The following CELF2 variants were observed in gnomAD, a reference collection of about 807,000 sequenced individuals.
CELF2 encodes the protein CUG triplet repeat RNA-binding protein 2.
Under a neutral mutation model 62.6 loss-of-function variants are expected in CELF2, and 8 were observed. The observed-to-expected ratio is 0.13, with a 90% CI of 0.07 to 0.23. The LOEUF (loss-of-function observed/expected upper bound fraction) is 0.23. Among genes scored for constraint, CELF2 ranks in the 10% least tolerant of loss-of-function variants. CELF2 has a pLI of 1.00. For synonymous variants in CELF2, 258 were observed against 250.0 expected, an observed-to-expected ratio of 1.03 and a Z score of -0.30; for missense variants, 333 against 671.0, an observed-to-expected ratio of 0.50 and a Z score of 5.56.
the CELF2 span, among the ~76,000 whole-genome samples, chr10:10,561,186 C>G: frequency 6.6e-6 from 1 of 151,940 alleles, no homozygotes; most frequent in Non-Finnish European, 1.5e-5. Context: ...TAAAAATTTC[C>G]TCTTCTATTG....
chr10:10,675,737 T>A, the CELF2 span, among the ~76,000 whole-genome samples: 3 of 152,160 alleles, frequency 2.0e-5, no homozygotes, highest in African/African-American at 4.8e-5. Context: ...CCACCTCAGG[T>A]CCTCCAATAA....
At position 11,316,239 on chromosome 10, in the gene CELF2, T is replaced by A. The variant is rs573400853; in HGVS notation, c.1096+1981T>A. On this transcript the variant is annotated intron_variant, in intron 10 of 12. Transcript: ENST00000633077. This position sits in a 1 kb window ranked among gnomAD's most constrained non-coding sequence, Gnocchi z 4.4. ...ATGGGTTAATATAAGTCTGTATAGT[T>A]CATAGAAAACGAAGAAAGAATGTTT... 1.3e-5 allele frequency among the ~76,000 whole-genome samples: 2 copies of A among 152,332 alleles called. No individual in the cohort carries two copies. Among genetic ancestry groups the A allele is most frequent in the African/African-American group, 2.4e-5 (1 of 41,574 alleles).
At chr10:10,723,811 G>T in the CELF2 span, among the ~76,000 whole-genome samples, 1 of 152,144 alleles carries the variant, frequency 6.6e-6, no homozygotes, top group East Asian at 1.9e-4. Flanking sequence ...AATGATTTGT[G>T]AGCTTTATTT....
chr10:11,014,309 C>T (rs2056925391), upstream of CELF2, among the ~76,000 whole-genome samples: 1 of 152,172 alleles, frequency 6.6e-6, no homozygotes, highest in African/African-American at 2.4e-5. Context: ...CTGATAGCTA[C>T]TGCCTTTTAA....
At chr10:10,818,417 G>C (rs1485440645) in intron 1 of CELF2, among the ~76,000 whole-genome samples, 1 of 152,096 alleles carries the variant, frequency 6.6e-6, no homozygotes, top group Non-Finnish European at 1.5e-5. Context: ...CATTAGAGAA[G>C]TGATCATAGT....
chr10:10,467,908 G>A, the CELF2 span, among the ~76,000 whole-genome samples: 1 of 152,014 alleles, frequency 6.6e-6, no homozygotes, highest in Non-Finnish European at 1.5e-5. Flanking sequence ...CACCATCAAG[G>A]TCAAGAGACT....
chr10:10,966,035 C>G (rs1327047481), intron 2 of CELF2, among the ~76,000 whole-genome samples: 1 of 152,206 alleles, frequency 6.6e-6, no homozygotes, highest in Non-Finnish European at 1.5e-5. Context: ...ACTGTGCTTC[C>G]AAAGGGAAAA....
intron 1 of CELF2, among the ~76,000 whole-genome samples, chr10:10,844,981 G>A (rs1335997545): frequency 1.3e-5 from 2 of 152,084 alleles, no homozygotes; most frequent in Non-Finnish European, 2.9e-5. Flanking sequence ...TTCCATTTTT[G>A]TAGAAAAGTG....
the CELF2 span, among the ~76,000 whole-genome samples, chr10:10,691,159 C>T: frequency 5.6e-3 from 857 of 151,814 alleles, 9 homozygotes; most frequent in Non-Finnish European, 8.2e-3. Context: ...CTCCCCTCTC[C>T]CCCCACCCCA....
intron 1 of CELF2, among the ~76,000 whole-genome samples, chr10:10,818,026 A>G (rs1200735790): frequency 1.3e-5 from 2 of 152,078 alleles, no homozygotes; most frequent in Non-Finnish European, 2.9e-5. Context: ...TCACCCACCC[A>G]CTCATTAAAC....
upstream of CELF2, among the ~76,000 whole-genome samples, chr10:11,002,858 GAAAAT>G (rs1182112982): frequency 1.3e-5 from 2 of 151,502 alleles, no homozygotes; most frequent in African/African-American, 4.9e-5. This position sits in a 1 kb window ranked among gnomAD's most constrained non-coding sequence, Gnocchi z 4.4. Flanking sequence ...AAATTTTTTT[GAAAAT>G]AAAATAGTCC....
At chr10:10,679,820 T>C in the CELF2 span, among the ~76,000 whole-genome samples, 2 of 152,226 alleles carry the variant, frequency 1.3e-5, no homozygotes, top group Admixed American at 6.5e-5. Flanking sequence ...GATAAATACA[T>C]GAATGTTACA....
chr10:10,782,072 T>C, the CELF2 span, among the ~76,000 whole-genome samples: 2 of 152,228 alleles, frequency 1.3e-5, no homozygotes, highest in Non-Finnish European at 2.9e-5. Flanking sequence ...GAAAATATTA[T>C]GCCATTTTAC....
At chr10:10,898,895 A>G (rs1048391978) in intron 1 of CELF2, among the ~76,000 whole-genome samples, 2 of 152,250 alleles carry the variant, frequency 1.3e-5, no homozygotes, top group African/African-American at 4.8e-5. Flanking sequence ...AAAATATTCA[A>G]GTGATATAAA....
In CELF2 at chr10:11,224,524, G is replaced by A. The variant is rs984531571; in HGVS notation, c.354+7017G>A. Among the ~76,000 whole-genome samples, 1 of 152,172 alleles carries A rather than the reference G, an allele frequency of 6.6e-6. No homozygotes were observed. The highest frequency in any genetic ancestry group is 2.4e-5 in the African/African-American group (1 of 41,428). On this transcript the variant is annotated intron_variant, in intron 3 of 12. Transcript: ENST00000633077. This position sits in a 1 kb window ranked among gnomAD's most constrained non-coding sequence, Gnocchi z 4.5. ...AGGATTTCAAAAGAAGATTGTGGGG[G>A]AGGCGGGGGATCCATGAATTTGATT...
chr10:10,604,919 G>A, the CELF2 span, among the ~76,000 whole-genome samples: 42,893 of 151,946 alleles, frequency 0.28, 6,415 homozygotes, highest in South Asian at 0.51. Context: ...TCCCATTACT[G>A]GGTACATACC....
chr10:10,930,113 G>C (rs2135107783), intron 2 of CELF2, among the ~76,000 whole-genome samples: 1 of 152,194 alleles, frequency 6.6e-6, no homozygotes, highest in East Asian at 1.9e-4. Context: ...TTATAATATA[G>C]TGTTCTGATG....
At chr10:11,151,195 C>T (rs2063273227) in intron 1 of CELF2, among the ~76,000 whole-genome samples, 1 of 152,148 alleles carries the variant, frequency 6.6e-6, no homozygotes, top group South Asian at 2.1e-4. Context: ...ACCTCCGGTC[C>T]CGTAGTCCAA....
intron 2 of CELF2, among the ~76,000 whole-genome samples, chr10:10,994,898 G>A (rs1263281798): frequency 5.3e-5 from 8 of 152,058 alleles, no homozygotes; most frequent in African/African-American, 1.9e-4. Flanking sequence ...CCTCAGGCTA[G>A]TCTCCTCTGC....
Sources: allele counts gnomAD v4.1 joint callset (sites outside exome capture counted in the v4.1 genomes callset), GRCh38; gene constraint gnomAD v4.1.1; non-coding constraint Gnocchi (gnomAD v3.1); transcripts MANE v1.5; gene names NCBI Gene and HGNC (gene_info 2026-07-23, HGNC 2026-07-21).